Variants in CAMK1D observed in about 807,000 individuals in gnomAD.
The protein encoded by CAMK1D is calcium/calmodulin dependent protein kinase ID.
Under a neutral mutation model 47.7 loss-of-function variants are expected in CAMK1D, and 9 were observed. The observed-to-expected ratio is 0.19, with a 90% CI of 0.11 to 0.33. The LOEUF (loss-of-function observed/expected upper bound fraction) is 0.33. Among genes scored for constraint, CAMK1D ranks in the 10% least tolerant of loss-of-function variants. The probability of loss-of-function intolerance (pLI) is 1.00; values close to 1 mark genes in which losing one functional copy is unlikely to be tolerated. For synonymous variants in CAMK1D, 184 were observed against 184.9 expected, an observed-to-expected ratio of 0.99 and a Z score of 0.04; for missense variants, 291 against 488.7, an observed-to-expected ratio of 0.60 and a Z score of 3.81.
intron 2 of CAMK1D, among the ~76,000 whole-genome samples, chr10:12,650,984 G>C (rs948513441): frequency 6.6e-6 from 1 of 152,200 alleles, no homozygotes; most frequent in Non-Finnish European, 1.5e-5. Context: ...AGGCTCCCTG[G>C]ATTAAGCTTC....
chr10:12,589,154 G>A (rs1247150413), intron 2 of CAMK1D, among the ~76,000 whole-genome samples: 1 of 151,984 alleles, frequency 6.6e-6, no homozygotes, highest in East Asian at 1.9e-4. Flanking sequence ...GGGACCACAG[G>A]TGCACAGCAC....
chr10:12,378,114 A>T (rs1838235176), intron 1 of CAMK1D, among the ~76,000 whole-genome samples: 1 of 152,226 alleles, frequency 6.6e-6, no homozygotes, highest in Non-Finnish European at 1.5e-5. Flanking sequence ...GGGGGACTAG[A>T]CACCAATTAT....
chr10:12,470,816 C>T (rs560705242), intron 1 of CAMK1D, among the ~76,000 whole-genome samples: 7 of 152,172 alleles, frequency 4.6e-5, no homozygotes, highest in South Asian at 2.1e-4. Flanking sequence ...CTTGCCCGGT[C>T]GTGTGTGGTT....
chr10:12,578,399 C>T (rs111569936), intron 2 of CAMK1D, among the ~76,000 whole-genome samples: 21 of 151,964 alleles, frequency 1.4e-4, no homozygotes, highest in African/African-American at 3.9e-4. Flanking sequence ...GGAGAAACCC[C>T]GTCTCTACTA....
intron 3 of CAMK1D, among the ~76,000 whole-genome samples, chr10:12,701,510 T>C (rs1478787790): frequency 6.6e-6 from 1 of 152,218 alleles, no homozygotes; most frequent in Non-Finnish European, 1.5e-5. Context: ...ACCCCAGCCC[T>C]CTCTGGCCAC....
chr10:12,816,438 A>G, intron 8 of CAMK1D, 110 bp downstream of exon 8: 1 of 848,094 alleles, frequency 1.2e-6, no homozygotes, highest in Admixed American at 2.5e-5. Flanking sequence ...GGATTATTAC[A>G]AATTTCATCT....
chr10:12,806,965 C>T (rs1212101681), intron 6 of CAMK1D, among the ~76,000 whole-genome samples: 2 of 152,190 alleles, frequency 1.3e-5, no homozygotes, highest in Non-Finnish European at 2.9e-5. Flanking sequence ...GCTGGCCAAA[C>T]ACATCATGGG....
chr10:12,806,637 C>G (rs546063378), intron 6 of CAMK1D, among the ~76,000 whole-genome samples: 1 of 152,342 alleles, frequency 6.6e-6, no homozygotes, highest in East Asian at 1.9e-4. Flanking sequence ...GTCCTTCTCC[C>G]GAGCTCCACC....
intron 1 of CAMK1D, among the ~76,000 whole-genome samples, chr10:12,541,872 T>TTCC (rs1156972647): frequency 6.7e-6 from 1 of 148,860 alleles, no homozygotes; most frequent in Non-Finnish European, 1.5e-5. Flanking sequence ...CCTTCCTTCC[T>TTCC]TCCTTCCTTC....
chr10:12,749,562 G>GTTGTT (rs1835846127), intron 3 of CAMK1D, among the ~76,000 whole-genome samples: 2 of 108,692 alleles, frequency 1.8e-5, no homozygotes, highest in South Asian at 2.7e-4. Context: ...TTGTTTGTTT[G>GTTGTT]TTTGTTTGTT....
At chr10:12,472,034 CA>C (rs60064606) in intron 1 of CAMK1D, among the ~76,000 whole-genome samples, 25,356 of 94,450 alleles carry the variant, frequency 0.27, 2,192 homozygotes, top group East Asian at 0.58. Flanking sequence ...GACTCTGTCT[CA>C]AAAAAAAAAA....
chr10:12,714,761 TAC>T (rs55827922), intron 3 of CAMK1D, among the ~76,000 whole-genome samples: 5,137 of 130,434 alleles, frequency 0.039, 113 homozygotes, highest in African/African-American at 0.075. Flanking sequence ...TACATTAAAT[TAC>T]ACACACACAC....
At chr10:12,553,512 C>G (rs952823902) in intron 2 of CAMK1D, among the ~76,000 whole-genome samples, 156 bp downstream of exon 2, 11 of 152,174 alleles carry the variant, frequency 7.2e-5, no homozygotes, top group Admixed American at 2.0e-4. Context: ...GCACTTTTCC[C>G]ATAGACCTCT....
At chr10:12,456,165 G>C (rs1003589350) in intron 1 of CAMK1D, among the ~76,000 whole-genome samples, 2 of 152,122 alleles carry the variant, frequency 1.3e-5, no homozygotes, top group Admixed American at 1.3e-4. Flanking sequence ...ATATAAACTA[G>C]GTTTGGGGAT....
intron 2 of CAMK1D, among the ~76,000 whole-genome samples, chr10:12,647,558 C>T (rs778934321): frequency 1.3e-5 from 2 of 152,010 alleles, no homozygotes; most frequent in African/African-American, 4.8e-5. Context: ...TACATATTTC[C>T]ATCTATGAAT....
At chr10:12,737,564 C>T (rs1835243113) in intron 3 of CAMK1D, among the ~76,000 whole-genome samples, 1 of 152,174 alleles carries the variant, frequency 6.6e-6, no homozygotes, top group Non-Finnish European at 1.5e-5. Context: ...CCCCAGGTCC[C>T]AGCTGAAACC....
chr10:12,501,723 C>A (rs1228129552), intron 1 of CAMK1D, among the ~76,000 whole-genome samples: 1 of 152,152 alleles, frequency 6.6e-6, no homozygotes, highest in Non-Finnish European at 1.5e-5. Flanking sequence ...CTTCTAGTGT[C>A]TGTGGGCGGA....
intron 1 of CAMK1D, among the ~76,000 whole-genome samples, chr10:12,515,013 G>A (rs1835148616): frequency 7.7e-6 from 1 of 129,574 alleles, no homozygotes; most frequent in Non-Finnish European, 1.7e-5. Flanking sequence ...ACCACACCTG[G>A]CTAATTTTTT....
At chr10:12,553,511 C>G (rs1025652859) in intron 2 of CAMK1D, among the ~76,000 whole-genome samples, 155 bp downstream of exon 2, 1 of 152,184 alleles carries the variant, frequency 6.6e-6, no homozygotes, top group Non-Finnish European at 1.5e-5. Context: ...AGCACTTTTC[C>G]CATAGACCTC....
Sources: allele counts gnomAD v4.1 joint callset (sites outside exome capture counted in the v4.1 genomes callset), GRCh38; gene constraint gnomAD v4.1.1; transcripts MANE v1.5; gene names NCBI Gene and HGNC (gene_info 2026-07-23, HGNC 2026-07-21).